CDH13: variants seen among roughly 807,000 people sequenced by gnomAD.
CDH13 encodes the protein cadherin 13, also known as cadherin-13.
In CDH13, 24 loss-of-function variants were observed where a neutral mutation model predicts 63.8. The observed-to-expected ratio is 0.38, with a 90% confidence interval of 0.27 to 0.53. The LOEUF is 0.53. CDH13 is among the 20% of genes least tolerant of loss of function. The pLI, the probability that CDH13 is intolerant of heterozygous loss-of-function variation, is 0.85. For synonymous variants in CDH13, 503 were observed against 355.3 expected (o/e 1.42, Z -4.67); for missense variants, 1,049 against 903.1 (o/e 1.16, Z -2.07).
intron 7 of CDH13, among the ~76,000 whole-genome samples, chr16:83,535,926 AGAAG>A (rs1293520928): frequency 2.2e-5 from 3 of 138,846 alleles, no homozygotes; most frequent in African/African-American, 5.3e-5. Flanking sequence ...AAAGAAGGAA[AGAAG>A]GAAGGAAAGG....
chr16:82,734,700 C>T (rs1224860285), intron 1 of CDH13, among the ~76,000 whole-genome samples: 1 of 152,180 alleles, frequency 6.6e-6, no homozygotes, highest in Non-Finnish European at 1.5e-5. Context: ...CAATGGCAAC[C>T]TTGGCCACTC....
chr16:83,262,032 T>G (rs1181588643), intron 5 of CDH13, among the ~76,000 whole-genome samples: 1 of 152,212 alleles, frequency 6.6e-6, no homozygotes, highest in East Asian at 1.9e-4. Context: ...TGAGGTTACC[T>G]GGTGCAGCTG....
At chr16:83,182,529 C>T (rs550211388) in intron 4 of CDH13, among the ~76,000 whole-genome samples, 1 of 152,204 alleles carries the variant, frequency 6.6e-6, no homozygotes, top group Non-Finnish European at 1.5e-5. Flanking sequence ...ATAACTGCCA[C>T]CAGTCTCTAA....
At chr16:83,624,350 G>GCCCCA (rs1910086773) in intron 8 of CDH13, among the ~76,000 whole-genome samples, 1 of 138,400 alleles carries the variant, frequency 7.2e-6, no homozygotes, top group East Asian at 2.1e-4. Context: ...CCCCACCCCT[G>GCCCCA]CCCCAGGTCA....
chr16:83,181,010 A>G (rs1422873532), intron 4 of CDH13: 13 of 1,523,148 alleles, frequency 8.5e-6, no homozygotes, highest in Non-Finnish European at 1.1e-5. Flanking sequence ...AATCACAAAC[A>G]TTTTACTTCC....
chr16:83,579,749 C>G (rs1371550706), intron 7 of CDH13, among the ~76,000 whole-genome samples: 1 of 152,036 alleles, frequency 6.6e-6, no homozygotes, highest in East Asian at 1.9e-4. Context: ...CCTTGATAGG[C>G]TCACAGGACA....
At chr16:82,977,809 G>A (rs1909729936) in intron 2 of CDH13, among the ~76,000 whole-genome samples, 11 of 152,154 alleles carry the variant, frequency 7.2e-5, no homozygotes, top group Admixed American at 6.6e-4. Flanking sequence ...CAGTTTGGAG[G>A]GCTCAGAAGA....
intron 8 of CDH13, among the ~76,000 whole-genome samples, chr16:83,612,143 C>T (rs1908914754): frequency 6.6e-6 from 1 of 151,964 alleles, no homozygotes; most frequent in East Asian, 1.9e-4. Flanking sequence ...ATCTATTTCT[C>T]CTGTTGGTAC....
intron 1 of CDH13, among the ~76,000 whole-genome samples, chr16:82,631,097 T>C (rs1907955262): frequency 6.6e-6 from 1 of 152,232 alleles, no homozygotes; most frequent in South Asian, 2.1e-4. Context: ...CTTCTTTTGC[T>C]CTCTTGCTTT....
chr16:83,378,521 G>C (rs544076974), intron 6 of CDH13, among the ~76,000 whole-genome samples: 2 of 152,258 alleles, frequency 1.3e-5, no homozygotes, highest in South Asian at 4.1e-4. Flanking sequence ...AGTTGGATTG[G>C]CCATACCTTC....
At chr16:83,000,925 T>C (rs1567732268) in intron 2 of CDH13, among the ~76,000 whole-genome samples, 1 of 152,194 alleles carries the variant, frequency 6.6e-6, no homozygotes. Context: ...AGCTTACTCA[T>C]TCTATGCCTA....
At chr16:83,460,982 A>AACACACACACACACACACACAC (rs367812199) in intron 6 of CDH13, among the ~76,000 whole-genome samples, 1 of 134,254 alleles carries the variant, frequency 7.4e-6, no homozygotes, top group African/African-American at 2.8e-5. Flanking sequence ...CTTGTCTCAA[A>AACACACACACACACACACACAC]ACACACACAC....
At chr16:83,568,746 G>A (rs1039168996) in intron 7 of CDH13, among the ~76,000 whole-genome samples, 1 of 152,092 alleles carries the variant, frequency 6.6e-6, no homozygotes, top group Non-Finnish European at 1.5e-5. Context: ...AGTTGTAAAG[G>A]ATCCTCACTC....
chr16:83,076,896 C>T (rs138916391), intron 3 of CDH13, among the ~76,000 whole-genome samples: 3 of 152,094 alleles, frequency 2.0e-5, no homozygotes, highest in East Asian at 3.9e-4. Flanking sequence ...CTGTTTTTGA[C>T]ATTAAAAGTA....
At chr16:82,807,313 G>A (rs1054517667) in intron 1 of CDH13, among the ~76,000 whole-genome samples, 5 of 152,154 alleles carry the variant, frequency 3.3e-5, no homozygotes, top group East Asian at 1.9e-4. Context: ...AAATTTTATC[G>A]TTGTTTTTCC....
At chr16:82,977,179 T>A (rs144203001) in intron 2 of CDH13, among the ~76,000 whole-genome samples, 33 of 152,372 alleles carry the variant, frequency 2.2e-4, no homozygotes, top group Middle Eastern at 3.4e-3. Context: ...CCCTTGGCCC[T>A]GCTCTCTCTG....
At chr16:82,823,447 A>G (rs2038100693) in intron 1 of CDH13, 1 of 152,226 alleles carries the variant, frequency 6.6e-6, no homozygotes, top group Non-Finnish European at 1.5e-5. Context: ...CATGAATTTG[A>G]AAACAAAATG....
At chr16:83,472,030 G>A (rs976026722) in intron 6 of CDH13, among the ~76,000 whole-genome samples, 2 of 152,130 alleles carry the variant, frequency 1.3e-5, no homozygotes, top group East Asian at 1.9e-4. Flanking sequence ...TGGTGCTTCT[G>A]GGCCATGCCT....
intron 4 of CDH13, among the ~76,000 whole-genome samples, chr16:83,134,089 T>C (rs2036169518): frequency 6.6e-6 from 1 of 152,232 alleles, no homozygotes; most frequent in African/African-American, 2.4e-5. Flanking sequence ...ATGATCAGTC[T>C]GGATATTTCC....
Sources: gnomAD v4.1 joint callset for allele counts (sites outside exome capture counted in the v4.1 genomes callset) on GRCh38, gnomAD v4.1.1 for gene constraint, MANE v1.5 for transcripts, NCBI Gene and HGNC (gene_info 2026-07-23, HGNC 2026-07-21) for gene names.